The following ZNFX1 variants were observed in gnomAD, a reference collection of about 807,000 sequenced individuals.
The protein encoded by ZNFX1 is zinc finger NFX1-type containing 1.
A neutral mutation model predicts 179.8 loss-of-function variants in ZNFX1; 78 were observed. The ratio of observed to expected loss-of-function variants is 0.43; its 90% CI spans 0.36 to 0.52. ZNFX1 has a LOEUF of 0.52. Among genes scored for constraint, ZNFX1 ranks in the 20% least tolerant of loss-of-function variants. ZNFX1 has a pLI of 0.00. For missense variants in ZNFX1, 1,927 were observed against 2,386.6 expected, an observed-to-expected ratio of 0.81 and a Z score of 4.01; for synonymous variants, 848 against 868.5, an observed-to-expected ratio of 0.98 and a Z score of 0.42.
At chr20:49,251,667 C>T in intron 12 of ZNFX1, 45 bp from the exon 13 acceptor site, 1 of 1,511,498 alleles carries the variant, frequency 6.6e-7, no homozygotes, top group South Asian at 1.2e-5. Context: ...GCAGAGCACA[C>T]ACGGACAATT....
At chr20:49,268,685 C>T (rs925547951) in intron 3 of ZNFX1, among the ~76,000 whole-genome samples, 6 of 152,050 alleles carry the variant, frequency 3.9e-5, no homozygotes, top group African/African-American at 1.5e-4. Flanking sequence ...AGGACATGAA[C>T]AGACACTTCT....
intron 4 of ZNFX1, among the ~76,000 whole-genome samples, chr20:49,265,408 G>A (rs1981210733): frequency 6.6e-6 from 1 of 152,204 alleles, no homozygotes; most frequent in African/African-American, 2.4e-5. Context: ...CTGGCAGGAA[G>A]TTACTCATTA....
At chr20:49,251,978 T>G (rs866825557) in intron 12 of ZNFX1, among the ~76,000 whole-genome samples, 1 of 150,840 alleles carries the variant, frequency 6.6e-6, no homozygotes, top group Non-Finnish European at 1.5e-5. Flanking sequence ...ACTACAGGCA[T>G]GAGGCACCAC....
Position 49,271,477 on chromosome 20 carries a change from C to G in ZNFX1, c.335G>C (p.Cys112Ser), listed in dbSNP as rs1225707825. Residue 112 changes from cysteine (C) to serine (S), a missense_variant, in exon 3 of 14, where the codon TGT becomes TCT. Coordinates refer to ENST00000396105, the MANE Select transcript of ZNFX1 (RefSeq NM_021035.3). ...DTRWRNGNQD[C>S]RNRRPPWSND... Reference sequence around the variant, plus strand: ...GGACCATGGTGGTCTGCGGTTCCTACAGTCCTGGTTGCCATTTCTCCACCT... The same window carrying G: ...GGACCATGGTGGTCTGCGGTTCCTAGAGTCCTGGTTGCCATTTCTCCACCT... 3.7e-6 allele frequency: 6 copies of G among 1,614,218 alleles called. No homozygotes were observed. The East Asian group carries it at 1.3e-4, about 36-fold the overall frequency.
In ZNFX1 at chr20:49,260,498, G is replaced by A. The variant is rs775915438; in HGVS notation, c.2381C>T (p.Thr794Met). The change falls in exon 7 of 14, where the codon ACG becomes ATG. Residue 794 changes from threonine (T) to methionine (M), a missense_variant. Transcript: ENST00000396105. ...AGGTCCTGCTGGAGAAACACTTTGC[G>A]TGAAAGAACCGACACCAAGACCTAG... Reference protein sequence around the residue: ...EWLGLGVGSFTQSVSPAGPEN... With the variant: ...EWLGLGVGSFMQSVSPAGPEN... 27 of 1,613,064 alleles carry A rather than the reference G, an allele frequency of 1.7e-5. No individual in the cohort carries two copies. The South Asian group carries it at 1.8e-4, about 11-fold the overall frequency.
Position 49,251,512 on chromosome 20 carries a change from G to A in ZNFX1, c.3312+15C>T, listed in dbSNP as rs1384167228. On this transcript the variant is annotated intron_variant, in intron 13 of 13. Coordinates refer to ENST00000396105, the MANE Select transcript of ZNFX1 (RefSeq NM_021035.3). ...GCTGACACCATCCAAGAAAGATCGGGTAAGACAGACTCACCTTAATCTTCT... is the reference window on the plus strand; with the variant it reads ...GCTGACACCATCCAAGAAAGATCGGATAAGACAGACTCACCTTAATCTTCT... 2 of 1,604,930 alleles carry A rather than the reference G, an allele frequency of 1.2e-6. No homozygotes were observed.
chr20:49,252,849 C>T lies in ZNFX1; in HGVS notation c.3106-19G>A, dbSNP rs747459268. On this transcript the variant is annotated intron_variant, in intron 11 of 13. Coordinates refer to ENST00000396105, the MANE Select transcript of ZNFX1 (RefSeq NM_021035.3). Reference sequence around the variant, plus strand: ...GGCGCAGCTGAGAAGAGAAACATGGCTGAGGATTCTCTACTGATAAAGTCA... The same window carrying T: ...GGCGCAGCTGAGAAGAGAAACATGGTTGAGGATTCTCTACTGATAAAGTCA... The T allele has an allele frequency of 1.9e-6, 3 of 1,577,808 alleles. No homozygotes were observed. The highest frequency in any genetic ancestry group is 3.3e-5 in the Admixed American group (2 of 59,892).
intron 9 of ZNFX1, among the ~76,000 whole-genome samples, chr20:49,255,439 A>G (rs894840710): frequency 1.2e-4 from 18 of 151,758 alleles, no homozygotes; most frequent in African/African-American, 4.4e-4. Flanking sequence ...CTCTAGCCTC[A>G]GCCTCCCAAA....
At chr20:49,256,897 T>C (rs551679430) in intron 8 of ZNFX1, among the ~76,000 whole-genome samples, 1 of 152,354 alleles carries the variant, frequency 6.6e-6, no homozygotes, top group African/African-American at 2.4e-5. Context: ...TGAGGACTAC[T>C]AGGCTCCACC....
At chr20:49,264,038 A>G (rs1981179944) in intron 5 of ZNFX1, among the ~76,000 whole-genome samples, 2 of 152,244 alleles carry the variant, frequency 1.3e-5, no homozygotes, top group African/African-American at 4.8e-5. Flanking sequence ...CCTGGCCAAC[A>G]TGGTGAAATC....
intron 3 of ZNFX1, among the ~76,000 whole-genome samples, chr20:49,269,162 A>G (rs762230200): frequency 2.6e-5 from 4 of 152,256 alleles, no homozygotes; most frequent in African/African-American, 4.8e-5. Flanking sequence ...TACACCACGG[A>G]ATACTATGCA....
chr20:49,271,249 C>G lies in ZNFX1; in HGVS notation c.563G>C (p.Cys188Ser). 6.2e-7 allele frequency: 1 copy of G among 1,614,182 alleles called. No homozygotes were observed. The highest frequency in any genetic ancestry group is 8.5e-7 in the Non-Finnish European group (1 of 1,180,050). ...GCTACAAGCCTTCCGAAGAACCTGA[C>G]AGATGAGCTCAAGGAAGTTAGATTT... ...SMKSNFLELI[C>S]QVLRKACSSK... The change falls in exon 3 of 14, where the codon TGT becomes TCT. Residue 188 changes from cysteine (C) to serine (S), a missense_variant. Coordinates refer to ENST00000396105, the MANE Select transcript of ZNFX1 (RefSeq NM_021035.3).
chr20:49,257,692 G>GA (rs763241100), intron 7 of ZNFX1, 28 bp from the exon 8 acceptor site: 2 of 1,549,760 alleles, frequency 1.3e-6, no homozygotes. Flanking sequence ...GCAGGAGAGA[G>GA]ATGAAAACTC....
chr20:49,264,932 G>A (rs2146737760), intron 4 of ZNFX1, 68 bp from the exon 5 acceptor site: 2 of 1,602,056 alleles, frequency 1.2e-6, no homozygotes, highest in Middle Eastern at 1.7e-4. Context: ...GGTGAGAGCT[G>A]TGTGTATTTG....
At chr20:49,254,747 ACCCTTGG>A in intron 9 of ZNFX1, 98 bp from the exon 10 acceptor site, 1 of 116,154 alleles carries the variant, frequency 8.6e-6, no homozygotes. Flanking sequence ...TGAACCTTGG[ACCCTTGG>A]AGCATAGTGA....
intron 5 of ZNFX1, among the ~76,000 whole-genome samples, chr20:49,264,368 C>T (rs769231860): frequency 6.6e-6 from 1 of 152,186 alleles, no homozygotes; most frequent in African/African-American, 2.4e-5. Context: ...TCTCTCTTTT[C>T]CTTAGTAATA....
At chr20:49,257,827 G>A (rs1981009388) in intron 7 of ZNFX1, among the ~76,000 whole-genome samples, 163 bp from the exon 8 acceptor site, 1 of 151,000 alleles carries the variant, frequency 6.6e-6, no homozygotes, top group South Asian at 2.1e-4. Context: ...TCAGCCTCCT[G>A]AGTAGCTGGG....
At chr20:49,261,598 A>C (rs891748476) in intron 6 of ZNFX1, among the ~76,000 whole-genome samples, 1 of 151,436 alleles carries the variant, frequency 6.6e-6, no homozygotes, top group Non-Finnish European at 1.5e-5. Context: ...ATAACTGATG[A>C]GTACTAGGCT....
In ZNFX1 at chr20:49,270,244, T is replaced by C; in HGVS notation, c.1568A>G (p.Gln523Arg). The C allele has an allele frequency of 1.2e-6, 2 of 1,614,072 alleles. No individual in the cohort carries two copies. The highest frequency in any genetic ancestry group is 1.7e-6 in the Non-Finnish European group (2 of 1,180,032). Residue 523 changes from glutamine (Q) to arginine (R), a missense_variant, in exon 3 of 14, where the codon CAG becomes CGG. By Grantham distance (43) the Gln-to-Arg change is conservative (BLOSUM62 1). Coordinates refer to ENST00000396105, the MANE Select transcript of ZNFX1 (RefSeq NM_021035.3). This position sits in a 1 kb window ranked among gnomAD's most constrained non-coding sequence, Gnocchi z 4.6. ...EAYRHVLEGLQEVQEEDVPFQ... is the reference protein window; with the variant it reads ...EAYRHVLEGLREVQEEDVPFQ... ...GGGAACATCTTCCTCCTGGACCTCC[T>C]GGAGTCCTTCCAGGACGTGCCTGTA...
Sources: gnomAD v4.1 joint callset for allele counts (sites outside exome capture counted in the v4.1 genomes callset) on GRCh38, gnomAD v4.1.1 for gene constraint, Gnocchi (gnomAD v3.1) non-coding constraint, MANE v1.5 for transcripts, NCBI Gene and HGNC (gene_info 2026-07-23, HGNC 2026-07-21) for gene names.